CLVS1: variants seen among roughly 807,000 people sequenced by gnomAD.
The protein encoded by CLVS1 is clavesin-1.
A neutral mutation model predicts 33.1 loss-of-function variants in CLVS1; 10 were observed. The observed-to-expected ratio is 0.30, with a 90% CI of 0.19 to 0.51. CLVS1 has a LOEUF of 0.51. Among genes scored for constraint, CLVS1 ranks in the 20% least tolerant of loss-of-function variants. The pLI is 0.97. For missense variants in CLVS1, 343 were observed against 433.4 expected (o/e 0.79, Z 1.85); for synonymous variants, 163 against 166.1 (o/e 0.98, Z 0.14).
At chr8:61,097,767 G>A (rs1003950867) in intron 1 of CLVS1, among the ~76,000 whole-genome samples, 2 of 152,094 alleles carry the variant, frequency 1.3e-5, no homozygotes, top group Admixed American at 1.3e-4. Context: ...GCAGGCTAAC[G>A]ACTATGCTTT....
chr8:61,300,339 A>G (rs1204665211), intron 2 of CLVS1, 57 bp downstream of exon 2: 1 of 1,416,190 alleles, frequency 7.1e-7, no homozygotes, highest in African/African-American at 1.4e-5. Flanking sequence ...TTATCACTGC[A>G]TGTTTGGGGT....
chr8:61,391,540 T>C (rs1203304270), intron 3 of CLVS1, among the ~76,000 whole-genome samples: 1 of 152,226 alleles, frequency 6.6e-6, no homozygotes, highest in Non-Finnish European at 1.5e-5. Flanking sequence ...AAAATGATTT[T>C]TTTCTGCCTT....
intron 2 of CLVS1, among the ~76,000 whole-genome samples, chr8:61,204,509 A>C (rs536461298): frequency 6.6e-6 from 1 of 152,364 alleles, no homozygotes; most frequent in African/African-American, 2.4e-5. Flanking sequence ...ACGTTTTAGC[A>C]TGCCTATAGA....
At chr8:61,347,448 A>G (rs1049473073) in intron 2 of CLVS1, among the ~76,000 whole-genome samples, 3 of 151,644 alleles carry the variant, frequency 2.0e-5, no homozygotes, top group African/African-American at 7.3e-5. Context: ...GAGTAGAGTG[A>G]TGGTTACCAG....
chr8:61,210,764 A>AT (rs1807953927), intron 2 of CLVS1, among the ~76,000 whole-genome samples: 1 of 152,234 alleles, frequency 6.6e-6, no homozygotes, highest in South Asian at 2.1e-4. Flanking sequence ...GTATGCTGCT[A>AT]TATTTGTTCA....
At chr8:60,994,716 A>G in the CLVS1 span, among the ~76,000 whole-genome samples, 3 of 152,202 alleles carry the variant, frequency 2.0e-5, no homozygotes, top group Non-Finnish European at 1.5e-5. Flanking sequence ...TTGGTTCCAT[A>G]TGAACTTTAA....
chr8:61,131,415 G>A (rs992894586), intron 1 of CLVS1, among the ~76,000 whole-genome samples: 2 of 152,204 alleles, frequency 1.3e-5, no homozygotes, highest in African/African-American at 4.8e-5. Flanking sequence ...ACTGCTTGGG[G>A]CTGAGGGACA....
chr8:61,042,887 A>G, the CLVS1 span, among the ~76,000 whole-genome samples: 1 of 152,228 alleles, frequency 6.6e-6, no homozygotes, highest in African/African-American at 2.4e-5. Context: ...GTAAGGAAGG[A>G]TTCTGCAACA....
chr8:61,323,252 C>A (rs1284797985), intron 2 of CLVS1, among the ~76,000 whole-genome samples: 1 of 152,130 alleles, frequency 6.6e-6, no homozygotes, highest in Non-Finnish European at 1.5e-5. Context: ...GGTTAGGATT[C>A]TCAGGGCAGT....
chr8:61,134,931 TAC>T (rs1274608585), intron 2 of CLVS1, among the ~76,000 whole-genome samples: 1 of 151,870 alleles, frequency 6.6e-6, no homozygotes, highest in African/African-American at 2.4e-5. Context: ...CAGATAGAGA[TAC>T]AGACTTGGGA....
chr8:61,240,054 G>A (rs753404045), intron 2 of CLVS1, among the ~76,000 whole-genome samples: 7 of 152,142 alleles, frequency 4.6e-5, no homozygotes, highest in Admixed American at 6.5e-5. Flanking sequence ...TGTTTTTAAT[G>A]TAGCCAAGTC....
At chr8:61,283,810 A>G (rs192228676), upstream of CLVS1, among the ~76,000 whole-genome samples, 1 of 152,344 alleles carries the variant, frequency 6.6e-6, no homozygotes, top group African/African-American at 2.4e-5. Flanking sequence ...GAATTAAAAA[A>G]TAAATTGTGT....
the CLVS1 span, among the ~76,000 whole-genome samples, chr8:60,993,320 G>A: frequency 2.0e-5 from 3 of 152,176 alleles, no homozygotes; most frequent in African/African-American, 7.2e-5. Context: ...GTGTGGAATG[G>A]CTCTATGCTT....
chr8:61,383,759 T>A (rs1813976244), intron 3 of CLVS1, among the ~76,000 whole-genome samples: 1 of 152,114 alleles, frequency 6.6e-6, no homozygotes, highest in African/African-American at 2.4e-5. Flanking sequence ...TTAAATGAGT[T>A]TATCTTTGGT....
intron 3 of CLVS1, among the ~76,000 whole-genome samples, chr8:61,446,356 G>A (rs1437527573): frequency 1.3e-5 from 2 of 152,120 alleles, no homozygotes; most frequent in African/African-American, 4.8e-5. Flanking sequence ...TATGTCCTAT[G>A]TCTTGATCTG....
chr8:61,350,786 G>A (rs374689408), intron 2 of CLVS1, among the ~76,000 whole-genome samples: 1 of 152,056 alleles, frequency 6.6e-6, no homozygotes, highest in African/African-American at 2.4e-5. Context: ...TCACCCGCAC[G>A]GCAGCAGCAA....
chr8:61,155,495 T>A (rs570267237), intron 2 of CLVS1, among the ~76,000 whole-genome samples: 9 of 152,356 alleles, frequency 5.9e-5, no homozygotes, highest in African/African-American at 2.2e-4. Flanking sequence ...ATTAGCCTTT[T>A]AATGGTGATT....
intron 1 of CLVS1, chr8:61,292,361 C>A (rs761596159): frequency 2.2e-6 from 1 of 456,082 alleles, no homozygotes; most frequent in African/African-American, 2.0e-5. Flanking sequence ...ATTGTCTGTG[C>A]AATCACATCC....
At chr8:61,080,277 C>G (rs935963411) in intron 1 of CLVS1, among the ~76,000 whole-genome samples, 2 of 152,168 alleles carry the variant, frequency 1.3e-5, no homozygotes, top group Non-Finnish European at 2.9e-5. Flanking sequence ...AGTAGCTCCC[C>G]TGGTTATGTA....
Sources: allele counts gnomAD v4.1 joint callset (sites outside exome capture counted in the v4.1 genomes callset), GRCh38; gene constraint gnomAD v4.1.1; transcripts MANE v1.5; gene names NCBI Gene and HGNC (gene_info 2026-07-23, HGNC 2026-07-21).